The following OR9Q1 variants were observed in gnomAD, a reference collection of about 807,000 sequenced individuals.
The protein encoded by OR9Q1 is olfactory receptor family 9 subfamily Q member 1, also known as olfactory receptor 9Q1.
For missense variants in OR9Q1, 374 were observed against 378.8 expected, an observed-to-expected ratio of 0.99 and a Z score of 0.11; for synonymous variants, 153 against 148.6, an observed-to-expected ratio of 1.03 and a Z score of -0.22.
chr11:58,124,941 G>A (rs1373123871), intron 2 of OR9Q1, among the ~76,000 whole-genome samples: 1 of 152,056 alleles, frequency 6.6e-6, no homozygotes, highest in African/African-American at 2.4e-5. Flanking sequence ...TTTTGTCCTG[G>A]AAGAGACTAG....
intron 2 of OR9Q1, among the ~76,000 whole-genome samples, chr11:58,102,794 T>C (rs1391419761): frequency 1.3e-5 from 2 of 152,126 alleles, no homozygotes; most frequent in African/African-American, 2.4e-5. Flanking sequence ...TGGATCTGGA[T>C]GTTCATATCT....
At chr11:58,167,694 G>A (rs2119939972) in intron 2 of OR9Q1, among the ~76,000 whole-genome samples, 1 of 152,258 alleles carries the variant, frequency 6.6e-6, no homozygotes, top group South Asian at 2.1e-4. Context: ...GTATTTGGGG[G>A]TTGCCTGGCT....
intron 1 of OR9Q1, among the ~76,000 whole-genome samples, chr11:58,053,632 A>ATATATATTATATATATAAAT: frequency 8.4e-6 from 1 of 118,682 alleles, no homozygotes; most frequent in Middle Eastern, 4.4e-3. Context: ...TATATAAAAT[A>ATATATATTATATATATAAAT]TATATATATA....
At position 58,180,499 on chromosome 11, in the gene OR9Q1, AG is replaced by A. The variant is rs1854655098; in HGVS notation, c.*123del. 1.8e-6 allele frequency: 1 copy of A among 558,712 alleles called. No individual in the cohort carries two copies. Among genetic ancestry groups the A allele is most frequent in the Non-Finnish European group, 3.0e-6 (1 of 332,556 alleles). The allele number at this position is 558,712 out of a possible 1,614,324, so 34.6% of individuals were successfully genotyped here. ...TATATTATGGTACTAGGTATAAAAA[AG>A]AACCAGAACTTTTAGCTCCAGGGAG... is the stretch of plus-strand genomic sequence containing the variant. On this transcript the variant is annotated 3_prime_UTR_variant, in exon 3 of 3. Coordinates refer to ENST00000335397, the MANE Select transcript of OR9Q1 (RefSeq NM_001005212.4).
At chr11:58,033,373 A>T (rs1042469357) in intron 1 of OR9Q1, among the ~76,000 whole-genome samples, 3 of 152,242 alleles carry the variant, frequency 2.0e-5, no homozygotes, top group Non-Finnish European at 2.9e-5. Flanking sequence ...TCAATGGTAG[A>T]TTGGATAAAG....
At chr11:58,109,515 G>A (rs992151578) in intron 2 of OR9Q1, 1 of 459,878 alleles carries the variant, frequency 2.2e-6, no homozygotes, top group Non-Finnish European at 4.4e-6. Context: ...CATCCACTTG[G>A]ATTAGAATGA....
At chr11:58,162,594 A>G (rs188496759) in intron 2 of OR9Q1, among the ~76,000 whole-genome samples, 2 of 152,334 alleles carry the variant, frequency 1.3e-5, no homozygotes, top group East Asian at 3.9e-4. Context: ...GAGTGAGAAC[A>G]ATGTTCACTA....
At chr11:58,058,439 C>T (rs961189916) in intron 2 of OR9Q1, among the ~76,000 whole-genome samples, 5 of 152,134 alleles carry the variant, frequency 3.3e-5, no homozygotes, top group Admixed American at 6.5e-5. Flanking sequence ...CACGGCTGGG[C>T]GCAGCGCCAA....
In OR9Q1 at chr11:58,031,250, G is replaced by C. The variant is rs1377449547; in HGVS notation, c.-93+7146G>C. 3 of 1,614,172 alleles carry C rather than the reference G, an allele frequency of 1.9e-6. No individual in the cohort carries two copies. In the Admixed American group the frequency reaches 5.0e-5, roughly 27 times the overall value. On this transcript the variant is annotated intron_variant, in intron 1 of 2. Coordinates refer to ENST00000335397, the MANE Select transcript of OR9Q1 (RefSeq NM_001005212.4). Reference sequence around the variant, plus strand: ...TGGTGGCAAGAATATCTCTTATGCTGATTGCCTATCCCAGCTCTTCATCTT... The same window carrying C: ...TGGTGGCAAGAATATCTCTTATGCTCATTGCCTATCCCAGCTCTTCATCTT...
chr11:58,029,221 T>C (rs1853004630), intron 1 of OR9Q1, among the ~76,000 whole-genome samples: 1 of 152,200 alleles, frequency 6.6e-6, no homozygotes, highest in African/African-American at 2.4e-5. Flanking sequence ...CTCAGACAGC[T>C]TATTCATCCG....
chr11:58,115,283 A>T (rs982789601), intron 2 of OR9Q1, among the ~76,000 whole-genome samples: 7 of 152,166 alleles, frequency 4.6e-5, no homozygotes, highest in African/African-American at 1.7e-4. Flanking sequence ...CAAAAATGTT[A>T]TTTATTGTGA....
At chr11:58,177,866 C>G (rs1854620139) in intron 2 of OR9Q1, among the ~76,000 whole-genome samples, 1 of 152,098 alleles carries the variant, frequency 6.6e-6, no homozygotes, top group African/African-American at 2.4e-5. Context: ...CGTGCTCTGA[C>G]CAGGGAAGGC....
At chr11:58,053,632 A>ATGTATATAT (rs1554965510) in intron 1 of OR9Q1, among the ~76,000 whole-genome samples, 1 of 118,684 alleles carries the variant, frequency 8.4e-6, no homozygotes, top group African/African-American at 3.1e-5. Context: ...TATATAAAAT[A>ATGTATATAT]TATATATATA....
intron 2 of OR9Q1, among the ~76,000 whole-genome samples, chr11:58,157,561 G>A (rs904181426): frequency 1.3e-5 from 2 of 150,832 alleles, no homozygotes; most frequent in Non-Finnish European, 2.9e-5. Context: ...AAAGACAGAG[G>A]AAGGAAGGAA....
At chr11:58,075,925 T>A (rs894777802) in intron 2 of OR9Q1, among the ~76,000 whole-genome samples, 1 of 152,214 alleles carries the variant, frequency 6.6e-6, no homozygotes, top group African/African-American at 2.4e-5. Flanking sequence ...GTACTGGATA[T>A]GCATTAACTC....
At chr11:58,095,460 C>T (rs1014934677) in intron 2 of OR9Q1, among the ~76,000 whole-genome samples, 2 of 152,142 alleles carry the variant, frequency 1.3e-5, no homozygotes, top group African/African-American at 2.4e-5. Flanking sequence ...AAGAAATATT[C>T]GAGACTGGGT....
intron 1 of OR9Q1, among the ~76,000 whole-genome samples, chr11:58,050,184 C>G (rs1194316119): frequency 2.0e-5 from 2 of 101,188 alleles, no homozygotes; most frequent in Non-Finnish European, 2.1e-5. Context: ...ATCACACTAC[C>G]TGACTTCAAA....
At chr11:58,060,605 A>G (rs1853371031) in intron 2 of OR9Q1, among the ~76,000 whole-genome samples, 1 of 152,130 alleles carries the variant, frequency 6.6e-6, no homozygotes, top group South Asian at 2.1e-4. Flanking sequence ...TTATCAGCAA[A>G]AAATATTTCA....
chr11:58,107,559 C>T (rs1012680963), intron 2 of OR9Q1, among the ~76,000 whole-genome samples: 5 of 152,078 alleles, frequency 3.3e-5, no homozygotes, highest in African/African-American at 1.2e-4. Flanking sequence ...GTGAATAGTG[C>T]CGTAATAAAC....
Sources: gnomAD v4.1 joint callset for allele counts (sites outside exome capture counted in the v4.1 genomes callset) on GRCh38, gnomAD v4.1.1 for gene constraint, MANE v1.5 for transcripts, NCBI Gene and HGNC (gene_info 2026-07-23, HGNC 2026-07-21) for gene names.